PDE11A: variants seen among roughly 807,000 people sequenced by gnomAD.
PDE11A encodes the protein phosphodiesterase 11A.
PDE11A carries 100 observed loss-of-function variants against 100.5 expected under a neutral mutation model. That is an observed-to-expected ratio of 1.00 (90% CI 0.85 to 1.18). PDE11A has a LOEUF of 1.18. Among genes scored for constraint, PDE11A ranks in the 50% most tolerant of loss-of-function variants. The pLI, the probability that PDE11A is intolerant of heterozygous loss-of-function variation, is 0.00. For missense variants in PDE11A, 1,141 were observed against 1,152.6 expected, an observed-to-expected ratio of 0.99 and a Z score of 0.15; for synonymous variants, 381 against 420.8, an observed-to-expected ratio of 0.91 and a Z score of 1.16.
Position 177,711,798 on chromosome 2 carries a change from G to A in PDE11A, c.2124C>T (p.His708=). The change falls in exon 13 of 20, where the codon CAC becomes CAT. Residue 708 remains histidine, a synonymous_variant. Coordinates refer to ENST00000286063, the MANE Select transcript of PDE11A (RefSeq NM_016953.4). ...CTTGGAAGGCATTGTTGGTTCCCCT[G>A]TGGTCGAGGTCATGACACAGGCATC... ...IVGCLCHDLD[H]RGTNNAFQAK... is the part of the protein sequence containing the mutation. 8.1e-6 allele frequency: 13 copies of A among 1,605,638 alleles called. No individual in the cohort carries two copies. Among genetic ancestry groups the A allele is most frequent in the Non-Finnish European group, 1.1e-5 (13 of 1,172,330 alleles).
rs1446297302 is a variant in PDE11A, at chr2:177,713,980, CTTTTTTCTTTTTTTT to C, written c.2044-2117_2044-2103del. ...GTAGTTTTCCCACCATATTTCTTTT[CTTTTTTCTTTTTTTT>C]TTTTTTTTTTTTTTTTGAGACGGAG... On this transcript the variant is annotated intron_variant, in intron 12 of 19. Coordinates refer to ENST00000286063, the MANE Select transcript of PDE11A (RefSeq NM_016953.4). Among the ~76,000 whole-genome samples, 9 of 77,842 alleles carry C rather than the reference CTTTTTTCTTTTTTTT, an allele frequency of 1.2e-4. No individual in the cohort carries two copies. In the Admixed American group the frequency reaches 1.6e-3, roughly 14 times the overall value. The allele number at this position is 77,842 out of a possible 152,430, so 51.1% of individuals were successfully genotyped here.
chr2:177,814,684 T>C (rs2083008406), intron 9 of PDE11A, among the ~76,000 whole-genome samples: 3 of 152,194 alleles, frequency 2.0e-5, no homozygotes, highest in African/African-American at 7.2e-5. Context: ...TCAGAGTCAG[T>C]AATAATTTTT....
chr2:177,875,628 G>A (rs949311942), intron 5 of PDE11A, among the ~76,000 whole-genome samples: 18 of 151,928 alleles, frequency 1.2e-4, no homozygotes, highest in Admixed American at 1.0e-3. Flanking sequence ...TGATTCGCCC[G>A]CCTCAGCCTC....
At chr2:177,899,957 C>G (rs562001213) in intron 3 of PDE11A, among the ~76,000 whole-genome samples, 2 of 151,730 alleles carry the variant, frequency 1.3e-5, no homozygotes, top group South Asian at 4.2e-4. Flanking sequence ...AAATCTTAAG[C>G]TCTAACTTGA....
At chr2:177,903,252 A>C (rs2084727319) in intron 3 of PDE11A, among the ~76,000 whole-genome samples, 1 of 152,022 alleles carries the variant, frequency 6.6e-6, no homozygotes, top group African/African-American at 2.4e-5. Context: ...CCTTCTTTTC[A>C]TTCAAGTTTC....
In PDE11A at chr2:177,680,910, GA is replaced by G; in HGVS notation, c.2346-8del. 6.6e-7 allele frequency: 1 copy of G among 1,507,832 alleles called. No individual in the cohort carries two copies. The highest frequency in any genetic ancestry group is 9.2e-7 in the Non-Finnish European group (1 of 1,086,616). The allele number at this position is 1,507,832 out of a possible 1,614,324, so 93.4% of individuals were successfully genotyped here. The stretch of plus-strand genomic sequence containing the variant: ...AAAGAATTCAGTTCTCCTCCTGCAG[GA>G]AAATCAAATGAAGAAAGAAAGAAAA... On this transcript the variant is annotated splice_region_variant and splice_polypyrimidine_tract_variant and intron_variant, in intron 15 of 19. Coordinates refer to ENST00000286063, the MANE Select transcript of PDE11A (RefSeq NM_016953.4).
chr2:177,853,985 G>T lies in PDE11A; in HGVS notation c.1368-13602C>A, dbSNP rs116663364. Reference sequence around the variant, plus strand: ...GTATACACACACACACACACAGCAAGAAAGGGAGCAGATTCAATTTGTTAA... The same window carrying T: ...GTATACACACACACACACACAGCAATAAAGGGAGCAGATTCAATTTGTTAA... On this transcript the variant is annotated intron_variant, in intron 5 of 19. Coordinates refer to ENST00000286063, the MANE Select transcript of PDE11A (RefSeq NM_016953.4). 9.7e-3 allele frequency among the ~76,000 whole-genome samples: 1,460 copies of T among 149,934 alleles called. 22 individuals are homozygous for T. The highest frequency in any genetic ancestry group is 0.034 in the African/African-American group (1,385 of 40,808).
chr2:177,789,478 C>G (rs895356926), intron 9 of PDE11A, among the ~76,000 whole-genome samples: 3 of 151,596 alleles, frequency 2.0e-5, no homozygotes, highest in Non-Finnish European at 4.4e-5. Flanking sequence ...AAAACTGGCA[C>G]AAGACAGGGA....
At chr2:177,676,738 G>A (rs1477162125) in intron 16 of PDE11A, among the ~76,000 whole-genome samples, 1 of 152,192 alleles carries the variant, frequency 6.6e-6, no homozygotes, top group African/African-American at 2.4e-5. Flanking sequence ...TTCTGTATCA[G>A]GCATTTCTAC....
chr2:177,940,425 T>C (rs2085332718), intron 2 of PDE11A, among the ~76,000 whole-genome samples: 1 of 152,206 alleles, frequency 6.6e-6, no homozygotes, highest in African/African-American at 2.4e-5. Context: ...AATCAGGATT[T>C]AATAGAGTCC....
intron 2 of PDE11A, among the ~76,000 whole-genome samples, chr2:177,939,635 A>G (rs2085323513): frequency 6.6e-6 from 1 of 152,224 alleles, no homozygotes. Context: ...ATTTACAGAA[A>G]TAGATAGTTA....
chr2:178,103,186 G>A (rs868826646), intron 2 of PDE11A, among the ~76,000 whole-genome samples: 3 of 152,116 alleles, frequency 2.0e-5, no homozygotes, highest in South Asian at 4.2e-4. Context: ...TTTCCAGTGG[G>A]GGGGGAAGGA....
chr2:178,035,508 C>A (rs1325597383), intron 1 of PDE11A, among the ~76,000 whole-genome samples: 1 of 152,176 alleles, frequency 6.6e-6, no homozygotes, highest in Non-Finnish European at 1.5e-5. Context: ...AAGAGGGAAT[C>A]CTCCCTAACT....
At chr2:178,061,778 A>C (rs1451059414) in intron 1 of PDE11A, among the ~76,000 whole-genome samples, 1 of 152,206 alleles carries the variant, frequency 6.6e-6, no homozygotes, top group Admixed American at 6.5e-5. Flanking sequence ...GAAATGATTA[A>C]TATTGCTATA....
At chr2:177,841,898 G>A (rs2083497051) in intron 5 of PDE11A, among the ~76,000 whole-genome samples, 1 of 151,986 alleles carries the variant, frequency 6.6e-6, no homozygotes, top group African/African-American at 2.4e-5. Context: ...CAAAACAAAA[G>A]AACAAAAAAG....
chr2:177,788,248 T>C (rs7421650), intron 9 of PDE11A, among the ~76,000 whole-genome samples: 17 of 147,152 alleles, frequency 1.2e-4, no homozygotes, highest in African/African-American at 3.8e-4. Context: ...TCAAAACCGC[T>C]CAACTACATG....
intron 9 of PDE11A, among the ~76,000 whole-genome samples, chr2:177,788,751 C>T (rs1171328984): frequency 1.3e-5 from 2 of 152,188 alleles, no homozygotes; most frequent in Non-Finnish European, 2.9e-5. Flanking sequence ...TCAGAGAATA[C>T]TACAAACAAC....
At chr2:178,032,056 A>G (rs1261436314) in intron 1 of PDE11A, among the ~76,000 whole-genome samples, 2 of 152,234 alleles carry the variant, frequency 1.3e-5, no homozygotes, top group Admixed American at 1.3e-4. Context: ...ATGGCAAAGC[A>G]GTCATCACAG....
At chr2:177,714,623 C>T (rs2081409362) in intron 12 of PDE11A, among the ~76,000 whole-genome samples, 1 of 152,130 alleles carries the variant, frequency 6.6e-6, no homozygotes, top group Non-Finnish European at 1.5e-5. Context: ...GTCACCCTCC[C>T]CTCACACTCC....
Sources: allele counts gnomAD v4.1 joint callset (sites outside exome capture counted in the v4.1 genomes callset), GRCh38; gene constraint gnomAD v4.1.1; transcripts MANE v1.5; gene names NCBI Gene and HGNC (gene_info 2026-07-23, HGNC 2026-07-21).